APLP1: variants seen among roughly 807,000 people sequenced by gnomAD.
The protein encoded by APLP1 is amyloid beta precursor like protein 1, also known as amyloid beta (A4) precursor-like protein 1.
APLP1 carries 46 observed loss-of-function variants against 84.5 expected under a neutral mutation model. The ratio of observed to expected loss-of-function variants is 0.54; its 90% CI spans 0.43 to 0.70. APLP1 has a LOEUF of 0.70. Ranked by LOEUF, APLP1 falls within the 30% of genes least tolerant of loss-of-function variation. APLP1 has a pLI of 0.00. For synonymous variants in APLP1, 376 were observed against 364.0 expected (o/e 1.03, Z -0.38); for missense variants, 826 against 900.2 (o/e 0.92, Z 1.05).
Position 35,868,854 on chromosome 19 carries a change from T to C in APLP1, c.147+71T>C, listed in dbSNP as rs1290523793. On this transcript the variant is annotated intron_variant, in intron 1 of 16. Coordinates refer to ENST00000221891, the MANE Select transcript of APLP1 (RefSeq NM_001024807.3). This position sits in a 1 kb window ranked among gnomAD's most constrained non-coding sequence, Gnocchi z 5.2. ...GGGTCTCTGGACGCCGGCGCGGACA[T>C]GTCCAGGGCAGAAAGCGCGGTCTTT... 1 of 1,221,870 alleles carries C rather than the reference T, an allele frequency of 8.2e-7. No individual in the cohort carries two copies. The highest frequency in any genetic ancestry group is 3.2e-5 in the East Asian group (1 of 30,996). The allele number at this position is 1,221,870 out of a possible 1,614,324, so 75.7% of individuals were successfully genotyped here.
At chr19:35,873,348 C>T (rs1161431915) in intron 7 of APLP1, among the ~76,000 whole-genome samples, 3 of 150,984 alleles carry the variant, frequency 2.0e-5, no homozygotes, top group East Asian at 1.9e-4. Context: ...CCTGGGTTCA[C>T]GCCATTCTCC....
intron 2 of APLP1, 66 bp from the exon 3 acceptor site, chr19:35,870,830 C>A: frequency 6.5e-7 from 1 of 1,544,730 alleles, no homozygotes. Context: ...AGGGACCTGA[C>A]TACTGGAGAG....
At chr19:35,871,771 C>T (rs370822781) in intron 5 of APLP1, 26 bp downstream of exon 5, 35 of 1,613,760 alleles carry the variant, frequency 2.2e-5, no homozygotes, top group Non-Finnish European at 2.5e-5. Flanking sequence ...CCCTCCATGC[C>T]CATCTCAAGG....
chr19:35,870,152 G>A (rs1974106776), intron 2 of APLP1: 2 of 325,840 alleles, frequency 6.1e-6, no homozygotes, highest in Non-Finnish European at 1.1e-5. Flanking sequence ...ATGAGAGCGC[G>A]GAGAGCTGGG....
At position 35,872,541 on chromosome 19, in the gene APLP1, AATC is replaced by A; in HGVS notation, c.911_913del (p.Ile304del). ...ATATTTACTTTGGCATGCCTGGGGA[AATC>A]AGTGAGCACGAGGGGTTCCTGAGGG... On this transcript the variant is annotated inframe_deletion, in exon 7 of 17. Transcript: ENST00000221891. 6.2e-7 allele frequency: 1 copy of A among 1,613,876 alleles called. No individual in the cohort carries two copies. Among genetic ancestry groups the A allele is most frequent in the Non-Finnish European group, 8.5e-7 (1 of 1,179,888 alleles).
intron 10 of APLP1, among the ~76,000 whole-genome samples, chr19:35,875,078 T>G (rs1009020368): frequency 1.3e-5 from 2 of 151,916 alleles, no homozygotes; most frequent in Non-Finnish European, 2.9e-5. Context: ...GACCCCTGCT[T>G]CTTGGCCCTT....
chr19:35,876,399 G>A, intron 10 of APLP1, 118 bp from the exon 11 acceptor site: 1 of 825,928 alleles, frequency 1.2e-6, no homozygotes, highest in African/African-American at 1.7e-5. Flanking sequence ...CACACATCCT[G>A]TCCATTGCAT....
Position 35,872,472 on chromosome 19 carries a change from T to C in APLP1, c.851-11T>C. ...GGCTGCAGACTGACCTCCTGATCCC[T>C]GGTCTTGCAGTCACTCCCACCCCGA... On this transcript the variant is annotated splice_polypyrimidine_tract_variant and intron_variant, in intron 6 of 16. Coordinates refer to ENST00000221891, the MANE Select transcript of APLP1 (RefSeq NM_001024807.3). 1 of 1,609,804 alleles carries C rather than the reference T, an allele frequency of 6.2e-7. No homozygotes were observed. Among genetic ancestry groups the C allele is most frequent in the Admixed American group, 1.7e-5 (1 of 59,460 alleles).
chr19:35,873,601 G>A (rs1490492778), intron 7 of APLP1, 38 bp from the exon 8 acceptor site: 3 of 1,608,298 alleles, frequency 1.9e-6, no homozygotes, highest in African/African-American at 1.3e-5. Context: ...GTGGATCAGG[G>A]TGGATTCTGG....
In APLP1 at chr19:35,871,897, A is replaced by G. The variant is rs762390929; in HGVS notation, c.711A>G (p.Val237=). The part of the protein sequence containing the change: ...STRSWPPGSR[V]EGAEDEEEEE... ...GGTCCTGGCCCCCGGGGAGCAGAGT[A>G]GAGGGGGCTGAGGACGAGGAAGAGG... is the stretch of plus-strand genomic sequence containing the variant. The change falls in exon 6 of 17, where the codon GTA becomes GTG. Residue 237 remains valine, a synonymous_variant. Coordinates refer to ENST00000221891, the MANE Select transcript of APLP1 (RefSeq NM_001024807.3). 6.2e-7 allele frequency: 1 copy of G among 1,614,120 alleles called. No homozygotes were observed. Among genetic ancestry groups the G allele is most frequent in the Non-Finnish European group, 8.5e-7 (1 of 1,180,022 alleles).
chr19:35,872,029 C>A lies in APLP1; in HGVS notation c.843C>A (p.Val281=). The change falls in exon 6 of 17, where the codon GTC becomes GTA. Residue 281 remains valine, a synonymous_variant. Transcript: ENST00000221891. ...PPPSSHTLAV[V]GKVTPTPRPT... ...CAAGCTCCCATACACTTGCAGTGGT[C>A]GGCAAAGGTGAGGCAGTCTCTGAAC... 6.2e-7 allele frequency: 1 copy of A among 1,613,426 alleles called. No individual in the cohort carries two copies. The highest frequency in any genetic ancestry group is 1.1e-5 in the South Asian group (1 of 90,964).
Position 35,868,760 on chromosome 19 carries a change from G to C in APLP1, c.124G>C (p.Gly42Arg). 1 of 1,344,148 alleles carries C rather than the reference G, an allele frequency of 7.4e-7. No homozygotes were observed. Among genetic ancestry groups the C allele is most frequent in the Admixed American group, 3.9e-5 (1 of 25,786 alleles). The allele number at this position is 1,344,148 out of a possible 1,614,324, so 83.3% of individuals were successfully genotyped here. ...GCAGCCCGCCATCGGGAGCCTGGCC[G>C]GTGGGAGCCCCGGCGCGGCCGAGGT... ...RAQPAIGSLA[G>R]GSPGAAEAPG... is the part of the protein sequence containing the mutation. The change falls in exon 1 of 17, where the codon GGT (glycine) becomes CGT (arginine). Residue 42 changes from glycine to arginine, a missense_variant. Around this residue, in one of 3 missense-constraint regions of APLP1, gnomAD observed 383 missense variants for 378.3 expected, o/e 1.01. Transcript: ENST00000221891. The surrounding 1 kb of genome is among the most constrained non-coding windows in gnomAD (Gnocchi z 5.2).
At position 35,874,742 on chromosome 19, in the gene APLP1, C is replaced by T. The variant is rs368817415; in HGVS notation, c.1217C>T (p.Ala406Val). 1.4e-5 allele frequency: 23 copies of T among 1,612,882 alleles called. No individual in the cohort carries two copies. Among genetic ancestry groups the T allele is most frequent in the Middle Eastern group, 1.7e-4 (1 of 6,060 alleles). ...GGGCATCCTGTGTCCCTTCCACAGGCGGAGCGTGTCCTGTTGGCCCTGCGG... is the reference window on the plus strand; with the variant it reads ...GGGCATCCTGTGTCCCTTCCACAGGTGGAGCGTGTCCTGTTGGCCCTGCGG... ...LAALQADPPQ[A>V]ERVLLALRRY... is the part of the protein sequence containing the mutation. Residue 406 changes from alanine to valine, a missense_variant and splice_region_variant, in exon 10 of 17, where the codon GCG (alanine) becomes GTG (valine). Physicochemically the swap from Ala to Val is moderately conservative, Grantham distance 64. Transcript: ENST00000221891. The surrounding 1 kb of genome is among the most constrained non-coding windows in gnomAD (Gnocchi z 6.4).
At position 35,876,508 on chromosome 19, in the gene APLP1, C is replaced by T; in HGVS notation, c.1345-9C>T. ...GCGCAGTTCATCCTTCATGTCCACT[C>T]ACCCACAGGTGCATACCCACCTTCA... On this transcript the variant is annotated splice_polypyrimidine_tract_variant and intron_variant, in intron 10 of 16. Coordinates refer to ENST00000221891, the MANE Select transcript of APLP1 (RefSeq NM_001024807.3). 1.9e-6 allele frequency: 3 copies of T among 1,612,036 alleles called. No individual in the cohort carries two copies. The highest frequency in any genetic ancestry group is 1.3e-5 in the African/African-American group (1 of 74,978).
chr19:35,875,659 G>C (rs1486943805), intron 10 of APLP1, among the ~76,000 whole-genome samples: 1 of 151,906 alleles, frequency 6.6e-6, no homozygotes, highest in Non-Finnish European at 1.5e-5. Context: ...ACGGGTTTCA[G>C]CATGTTGGCC....
chr19:35,872,323 G>A (rs1974174622), intron 6 of APLP1, among the ~76,000 whole-genome samples, 160 bp from the exon 7 acceptor site: 1 of 152,052 alleles, frequency 6.6e-6, no homozygotes, highest in Non-Finnish European at 1.5e-5. Context: ...GCAAGAACAG[G>A]CCCAGTCCAG....
In APLP1 at chr19:35,879,541, G is replaced by T; in HGVS notation, c.*100G>T. On this transcript the variant is annotated 3_prime_UTR_variant, in exon 17 of 17. Coordinates refer to ENST00000221891, the MANE Select transcript of APLP1 (RefSeq NM_001024807.3). ...CTAGGGCAGCAGGGAGTCTTGAAGT[G>T]ATCATTTCACACCCTTTTGTGAGAC... 3.1e-6 allele frequency: 3 copies of T among 983,146 alleles called. No individual in the cohort carries two copies. Among genetic ancestry groups the T allele is most frequent in the Non-Finnish European group, 4.7e-6 (3 of 644,170 alleles). 60.9% of individuals were successfully genotyped at this position (983,146 alleles called of 1,614,324 possible). A position where few individuals can be genotyped will look rare whatever the true frequency, so the allele number is the denominator to read the frequency against.
In APLP1 at chr19:35,871,363, C is replaced by T; in HGVS notation, c.537+14C>T. 1 of 1,582,934 alleles carries T rather than the reference C, an allele frequency of 6.3e-7. No individual in the cohort carries two copies. Among genetic ancestry groups the T allele is most frequent in the Non-Finnish European group, 8.6e-7 (1 of 1,162,424 alleles). ...GAGGCACAGGAGGTCAGGACGTTGG[C>T]CCACCCGTCCCCAGCCCCCACAACC... On this transcript the variant is annotated intron_variant, in intron 4 of 16. Transcript: ENST00000221891.
Position 35,879,559 on chromosome 19 carries a change from T to C in APLP1, c.*118T>C, listed in dbSNP as rs1049333474. 14 of 789,116 alleles carry C rather than the reference T, an allele frequency of 1.8e-5. No homozygotes were observed. The highest frequency in any genetic ancestry group is 5.9e-5 in the Admixed American group (2 of 33,978). The allele number at this position is 789,116 out of a possible 1,614,324, so 48.9% of individuals were successfully genotyped here. ...TTGAAGTGATCATTTCACACCCTTT[T>C]GTGAGACGGCTGGAAATTCTTATTT... On this transcript the variant is annotated 3_prime_UTR_variant, in exon 17 of 17. Transcript: ENST00000221891.
Sources: allele counts gnomAD v4.1 joint callset (sites outside exome capture counted in the v4.1 genomes callset), GRCh38; gene constraint gnomAD v4.1.1; regional missense constraint gnomAD v4.1.1; non-coding constraint Gnocchi (gnomAD v3.1); transcripts MANE v1.5; gene names NCBI Gene and HGNC (gene_info 2026-07-23, HGNC 2026-07-21).